SUGCT: variants seen among roughly 807,000 people sequenced by gnomAD.
The protein encoded by SUGCT is succinyl-CoA:glutarate-CoA transferase.
SUGCT carries 41 observed loss-of-function variants against 55.0 expected under a neutral mutation model. That is an observed-to-expected ratio of 0.74 (90% CI 0.58 to 0.97). The LOEUF is 0.97. SUGCT is among the 50% of genes least tolerant of loss of function. The pLI is 0.00. For missense variants in SUGCT, 568 were observed against 547.8 expected (o/e 1.04, Z -0.37); for synonymous variants, 187 against 200.4 (o/e 0.93, Z 0.56).
At chr7:40,451,904 G>A (rs1362512533) in intron 10 of SUGCT, among the ~76,000 whole-genome samples, 1 of 152,150 alleles carries the variant, frequency 6.6e-6, no homozygotes, top group African/African-American at 2.4e-5. Flanking sequence ...GCTTATAGAA[G>A]ATGGGGTTCC....
chr7:40,865,286 AGG>A (rs1794560268), downstream of SUGCT, among the ~76,000 whole-genome samples: 1 of 152,138 alleles, frequency 6.6e-6, no homozygotes, highest in Non-Finnish European at 1.5e-5. Flanking sequence ...TCAGAAAAAT[AGG>A]ACTTTCTCAG....
At chr7:40,172,990 C>G (rs942360876) in intron 1 of SUGCT, among the ~76,000 whole-genome samples, 3 of 152,204 alleles carry the variant, frequency 2.0e-5, no homozygotes, top group Non-Finnish European at 2.9e-5. Context: ...AATCCCCAGA[C>G]GAGGCCACCA....
In SUGCT at chr7:40,269,939, C is replaced by T. The variant is rs572328887; in HGVS notation, c.577-4574C>T. Among the ~76,000 whole-genome samples, 3 of 152,138 alleles carry T rather than the reference C, an allele frequency of 2.0e-5. No individual in the cohort carries two copies. The East Asian group carries it at 5.8e-4, about 30-fold the overall frequency. On this transcript the variant is annotated intron_variant, in intron 7 of 13. Coordinates refer to ENST00000335693, the MANE Select transcript of SUGCT (RefSeq NM_001193313.2). Reference sequence around the variant, plus strand: ...ATTGCTTGAGCCCAGGAGTTCAAGACCAGCCTGGGCAACGTGGGGAGACCC... The same window carrying T: ...ATTGCTTGAGCCCAGGAGTTCAAGATCAGCCTGGGCAACGTGGGGAGACCC...
the SUGCT span, among the ~76,000 whole-genome samples, chr7:41,022,934 C>G: frequency 3.8e-4 from 58 of 152,262 alleles, no homozygotes; most frequent in Admixed American, 1.8e-3. Flanking sequence ...TTTTAACAAT[C>G]CAAACATCTG....
chr7:40,666,355 A>G (rs376182044), intron 12 of SUGCT, among the ~76,000 whole-genome samples: 44 of 121,840 alleles, frequency 3.6e-4, no homozygotes, highest in African/African-American at 1.3e-3. Context: ...CTCAAGAAAG[A>G]AAGGAAGGAA....
At chr7:40,783,025 C>T (rs1328477261) in intron 13 of SUGCT, among the ~76,000 whole-genome samples, 6 of 152,118 alleles carry the variant, frequency 3.9e-5, no homozygotes, top group Non-Finnish European at 8.8e-5. Context: ...TGGTTATGAT[C>T]TGGTGGGAAG....
chr7:40,723,271 AC>A (rs1237158976), intron 12 of SUGCT, among the ~76,000 whole-genome samples: 3 of 152,060 alleles, frequency 2.0e-5, no homozygotes, highest in African/African-American at 7.2e-5. Context: ...TTTGAAACTG[AC>A]TTGACTTCTC....
chr7:40,596,830 A>G (rs1430612483), intron 12 of SUGCT, among the ~76,000 whole-genome samples: 1 of 152,058 alleles, frequency 6.6e-6, no homozygotes, highest in Non-Finnish European at 1.5e-5. Flanking sequence ...AGTCTTGGTA[A>G]TTTTTGTACT....
chr7:41,033,633 A>ATTT, the SUGCT span, among the ~76,000 whole-genome samples: 1 of 152,174 alleles, frequency 6.6e-6, no homozygotes, highest in Non-Finnish European at 1.5e-5. Context: ...GCAAATGTGC[A>ATTT]CATGCAGGAA....
At position 40,237,618 on chromosome 7, in the gene SUGCT, T is replaced by C; in HGVS notation, c.485-17T>C. On this transcript the variant is annotated splice_polypyrimidine_tract_variant and intron_variant, in intron 6 of 13. Coordinates refer to ENST00000335693, the MANE Select transcript of SUGCT (RefSeq NM_001193313.2). ...CACCCTGTGTGGTGCTGAATATGTT[T>C]ATTTTTGTTGTTTTAGGGTATGGTC... 6.2e-7 allele frequency: 1 copy of C among 1,608,892 alleles called. No homozygotes were observed. Among genetic ancestry groups the C allele is most frequent in the Non-Finnish European group, 8.5e-7 (1 of 1,175,284 alleles).
chr7:40,419,427 G>A (rs945554680), intron 9 of SUGCT, among the ~76,000 whole-genome samples: 10 of 152,144 alleles, frequency 6.6e-5, no homozygotes, highest in African/African-American at 2.2e-4. Flanking sequence ...AATAATTTTG[G>A]CTTGAATTGG....
intron 12 of SUGCT, among the ~76,000 whole-genome samples, chr7:40,636,095 C>T (rs1800010274): frequency 6.6e-6 from 1 of 152,192 alleles, no homozygotes; most frequent in African/African-American, 2.4e-5. Context: ...ACAAACTACC[C>T]CTACATTTTG....
the SUGCT span, among the ~76,000 whole-genome samples, chr7:40,907,132 TGTGTGTGTGAGAGAGAGA>T: frequency 2.0e-5 from 1 of 49,712 alleles, no homozygotes. Flanking sequence ...TGTGTGTGTG[TGTGTGTGTGAGAGAGAGA>T]GAGAGAGAGA....
chr7:40,700,487 A>T (rs1196835014), intron 12 of SUGCT, among the ~76,000 whole-genome samples: 1 of 152,226 alleles, frequency 6.6e-6, no homozygotes, highest in Non-Finnish European at 1.5e-5. Flanking sequence ...ACCAGAAAGA[A>T]ATAGGGCAAC....
chr7:40,519,917 A>G (rs774277994), intron 12 of SUGCT, among the ~76,000 whole-genome samples: 14 of 152,206 alleles, frequency 9.2e-5, no homozygotes, highest in East Asian at 5.8e-4. Flanking sequence ...TTGTTGAAGC[A>G]CTCATTTCAA....
intron 1 of SUGCT, among the ~76,000 whole-genome samples, chr7:40,162,245 AT>A (rs1287601454): frequency 2.6e-5 from 4 of 152,124 alleles, no homozygotes; most frequent in Non-Finnish European, 4.4e-5. Flanking sequence ...TTATTTGCAT[AT>A]TTTAAGTTGA....
At chr7:40,800,374 C>T (rs547590898) in intron 13 of SUGCT, among the ~76,000 whole-genome samples, 25 of 151,588 alleles carry the variant, frequency 1.6e-4, no homozygotes, top group African/African-American at 5.3e-4. Flanking sequence ...CTGCAACCTC[C>T]GCCTCCTGGG....
At chr7:40,977,025 A>G in the SUGCT span, among the ~76,000 whole-genome samples, 1 of 152,214 alleles carries the variant, frequency 6.6e-6, no homozygotes, top group South Asian at 2.1e-4. Context: ...CAGTTCCCTG[A>G]TGATAAATCT....
At chr7:40,725,456 G>A (rs942910783) in intron 12 of SUGCT, among the ~76,000 whole-genome samples, 9 of 151,986 alleles carry the variant, frequency 5.9e-5, no homozygotes, top group Admixed American at 5.9e-4. Flanking sequence ...TTGAGTTTCT[G>A]CATGCTCATA....
Sources: allele counts gnomAD v4.1 joint callset (sites outside exome capture counted in the v4.1 genomes callset), GRCh38; gene constraint gnomAD v4.1.1; transcripts MANE v1.5; gene names NCBI Gene and HGNC (gene_info 2026-07-23, HGNC 2026-07-21).